ADGRL3: variants seen among roughly 807,000 people sequenced by gnomAD.
ADGRL3 encodes calcium-independent alpha-latrotoxin receptor 3.
In ADGRL3, 62 loss-of-function variants were observed where a neutral mutation model predicts 153.5. That is an observed-to-expected ratio of 0.40 (90% CI 0.33 to 0.50). ADGRL3 has a LOEUF of 0.50. Among genes scored for constraint, ADGRL3 ranks in the 20% least tolerant of loss-of-function variants. ADGRL3 has a pLI of 0.47. For synonymous variants in ADGRL3, 710 were observed against 672.5 expected, an observed-to-expected ratio of 1.06 and a Z score of -0.86; for missense variants, 1,641 against 1,859.4, an observed-to-expected ratio of 0.88 and a Z score of 2.16.
At chr4:61,478,270 A>G (rs942604529) in intron 2 of ADGRL3, among the ~76,000 whole-genome samples, 5 of 152,080 alleles carry the variant, frequency 3.3e-5, no homozygotes, top group Admixed American at 2.6e-4. Context: ...ACAAGCTCAC[A>G]TTGAGGTATG....
chr4:61,714,221 G>GCACACACACACACACACACACACACA (rs57350284), intron 6 of ADGRL3, among the ~76,000 whole-genome samples: 46 of 150,844 alleles, frequency 3.0e-4, no homozygotes, highest in African/African-American at 8.8e-4. Flanking sequence ...TGTAAAATAC[G>GCACACACACACACACACACACACACA]CACACACACA....
At chr4:61,465,758 A>AATATATAAATATATAT (rs2097872490) in intron 2 of ADGRL3, among the ~76,000 whole-genome samples, 3 of 130,156 alleles carry the variant, frequency 2.3e-5, no homozygotes, top group South Asian at 5.1e-4. Context: ...ATTATATATA[A>AATATATAAATATATAT]ATATATATAT....
At chr4:61,791,905 G>T (rs1052732162) in intron 8 of ADGRL3, among the ~76,000 whole-genome samples, 9 of 152,146 alleles carry the variant, frequency 5.9e-5, no homozygotes, top group African/African-American at 2.2e-4. Context: ...GGGACACAGG[G>T]TACCAAGAGG....
At chr4:61,213,717 G>T (rs1741251767) in intron 1 of ADGRL3, among the ~76,000 whole-genome samples, 1 of 151,982 alleles carries the variant, frequency 6.6e-6, no homozygotes, top group East Asian at 1.9e-4. Flanking sequence ...AAAGCATTAA[G>T]TATCATAAAA....
At chr4:61,775,447 C>T (rs1282781386) in intron 8 of ADGRL3, 1 of 691,584 alleles carries the variant, frequency 1.4e-6, no homozygotes, top group Non-Finnish European at 2.7e-6. Context: ...AGATTTATGT[C>T]TTCATTTCTT....
intron 1 of ADGRL3, among the ~76,000 whole-genome samples, chr4:61,373,059 G>A (rs1295870519): frequency 1.3e-5 from 2 of 152,192 alleles, no homozygotes; most frequent in Non-Finnish European, 2.9e-5. Context: ...TGCTTCCCGA[G>A]TGAGGCAATG....
chr4:61,726,324 G>A (rs546729280), intron 6 of ADGRL3, among the ~76,000 whole-genome samples: 4 of 150,866 alleles, frequency 2.7e-5, no homozygotes, highest in South Asian at 2.1e-4. Context: ...TCAGCCTCCC[G>A]AGTTGCTGGG....
intron 8 of ADGRL3, among the ~76,000 whole-genome samples, chr4:61,744,034 T>TA (rs2096619002): frequency 6.6e-6 from 1 of 152,112 alleles, no homozygotes. Flanking sequence ...CCGATGGGCT[T>TA]AAAAAACGGC....
At chr4:61,983,954 T>C (rs1220745199) in intron 19 of ADGRL3, among the ~76,000 whole-genome samples, 2 of 152,140 alleles carry the variant, frequency 1.3e-5, no homozygotes, top group African/African-American at 4.8e-5. Flanking sequence ...TCCCTGACAT[T>C]GCTGGCTTAT....
chr4:61,341,757 T>C (rs1193112471), intron 1 of ADGRL3, among the ~76,000 whole-genome samples: 2 of 152,012 alleles, frequency 1.3e-5, no homozygotes, highest in Admixed American at 6.6e-5. Context: ...AGTTTCTTAT[T>C]CTGGGAATTT....
intron 2 of ADGRL3, among the ~76,000 whole-genome samples, chr4:61,440,312 T>C (rs929760642): frequency 7.2e-5 from 11 of 152,206 alleles, no homozygotes; most frequent in Non-Finnish European, 1.5e-4. Flanking sequence ...CCTCCCAAAG[T>C]GCTGGGATTA....
At chr4:61,904,951 T>C (rs1241863672) in intron 11 of ADGRL3, among the ~76,000 whole-genome samples, 1 of 152,158 alleles carries the variant, frequency 6.6e-6, no homozygotes, top group East Asian at 1.9e-4. Flanking sequence ...AGAAACAATA[T>C]TGTGTGGTAA....
chr4:61,606,335 AT>A (rs2099032257), intron 5 of ADGRL3, among the ~76,000 whole-genome samples: 1 of 152,194 alleles, frequency 6.6e-6, no homozygotes, highest in African/African-American at 2.4e-5. Context: ...GGATTTTCTA[AT>A]GACTGTGTTA....
intron 1 of ADGRL3, among the ~76,000 whole-genome samples, chr4:61,217,176 G>C (rs72633413): frequency 0.022 from 3,396 of 152,312 alleles, 56 homozygotes; most frequent in Middle Eastern, 0.058. Flanking sequence ...GAGGAATTAA[G>C]CAATGTATCC....
intron 13 of ADGRL3, among the ~76,000 whole-genome samples, chr4:61,917,203 C>A (rs765006129): frequency 6.6e-6 from 1 of 152,108 alleles, no homozygotes; most frequent in East Asian, 1.9e-4. Flanking sequence ...AGAGGCGTGT[C>A]CTCCTAATCT....
chr4:61,916,585 C>A (rs1373738746), intron 13 of ADGRL3, among the ~76,000 whole-genome samples: 1 of 150,252 alleles, frequency 6.7e-6, no homozygotes, highest in African/African-American at 2.5e-5. Flanking sequence ...CAAGGCCACA[C>A]AAGTAGCACT....
chr4:61,511,277 G>GAGAATC (rs2098462498), intron 3 of ADGRL3, among the ~76,000 whole-genome samples: 2 of 152,116 alleles, frequency 1.3e-5, no homozygotes, highest in Non-Finnish European at 2.9e-5. Flanking sequence ...GTTGCAGTAG[G>GAGAATC]AGAATCACTT....
chr4:61,808,653 A>C (rs2097575861), intron 8 of ADGRL3, among the ~76,000 whole-genome samples: 1 of 151,952 alleles, frequency 6.6e-6, no homozygotes, highest in Non-Finnish European at 1.5e-5. Flanking sequence ...ACCTGAAGAC[A>C]AAAAAAATCA....
intron 4 of ADGRL3, among the ~76,000 whole-genome samples, chr4:61,562,627 T>G (rs1006672506): frequency 6.6e-6 from 1 of 152,094 alleles, no homozygotes; most frequent in Non-Finnish European, 1.5e-5. Context: ...TCTGTTCAAG[T>G]TTGATCATGA....
Sources: gnomAD v4.1 joint callset for allele counts (sites outside exome capture counted in the v4.1 genomes callset) on GRCh38, gnomAD v4.1.1 for gene constraint, MANE v1.5 for transcripts, NCBI Gene and HGNC (gene_info 2026-07-23, HGNC 2026-07-21) for gene names.